Variants in SORCS2 observed in about 807,000 individuals in gnomAD.
The protein encoded by SORCS2 is VPS10 domain-containing receptor SorCS2.
SORCS2 carries 100 observed loss-of-function variants against 141.6 expected under a neutral mutation model. That is an observed-to-expected ratio of 0.71 (90% CI 0.60 to 0.83). The LOEUF is 0.83. Among genes scored for constraint, SORCS2 ranks in the 40% least tolerant of loss-of-function variants. The pLI, the probability that SORCS2 is intolerant of heterozygous loss-of-function variation, is 0.00. For missense variants in SORCS2, 1,646 were observed against 1,560.2 expected (o/e 1.05, Z -0.93); for synonymous variants, 789 against 676.9 (o/e 1.17, Z -2.57).
At chr4:7,332,406 G>A (rs6838006) in intron 1 of SORCS2, among the ~76,000 whole-genome samples, 1 of 151,998 alleles carries the variant, frequency 6.6e-6, no homozygotes, top group African/African-American at 2.4e-5. Context: ...ATAGGAATGT[G>A]GTGGCCCACA....
At chr4:7,222,665 G>T (rs1347275885) in intron 1 of SORCS2, among the ~76,000 whole-genome samples, 2 of 152,190 alleles carry the variant, frequency 1.3e-5, no homozygotes, top group Non-Finnish European at 2.9e-5. Flanking sequence ...GGGGCAGAGG[G>T]CTGGTGCAGG....
intron 9 of SORCS2, 74 bp from the exon 10 acceptor site, chr4:7,682,669 T>C (rs1723598524): frequency 6.9e-7 from 1 of 1,459,124 alleles, no homozygotes; most frequent in Non-Finnish European, 9.3e-7. Context: ...AGCAAGGGGC[T>C]GGAGCATGGT....
intron 1 of SORCS2, among the ~76,000 whole-genome samples, chr4:7,348,601 G>A (rs962853598): frequency 3.9e-5 from 6 of 152,194 alleles, no homozygotes; most frequent in South Asian, 4.1e-4. Context: ...GCCCAGGCTG[G>A]AGTGCAGTGG....
intron 2 of SORCS2, among the ~76,000 whole-genome samples, chr4:7,397,674 G>C (rs1327062121): frequency 6.6e-6 from 1 of 152,184 alleles, no homozygotes; most frequent in Non-Finnish European, 1.5e-5. Flanking sequence ...TTCGAGACGA[G>C]AGCAGAAAAG....
rs555696559 is a variant in SORCS2 at position 7,532,000 on chromosome 4, G to A, written c.648+371G>A. ...TCGGAAGGCAGTGCTGAGCAGGCCC[G>A]TTCTTCGGAAGTTAGTTGTTGATCC... On this transcript the variant is annotated intron_variant, in intron 3 of 26. Coordinates refer to ENST00000507866, the MANE Select transcript of SORCS2 (RefSeq NM_020777.3). Among the ~76,000 whole-genome samples, 21 of 152,346 alleles carry A rather than the reference G, an allele frequency of 1.4e-4. No homozygotes were observed. In the East Asian group the frequency reaches 2.3e-3, roughly 17 times the overall value.
chr4:7,686,705 A>C (rs963023984), intron 10 of SORCS2, among the ~76,000 whole-genome samples: 1 of 152,204 alleles, frequency 6.6e-6, no homozygotes, highest in Non-Finnish European at 1.5e-5. Context: ...CTGGTGCCCC[A>C]TGGGCAGGCA....
intron 2 of SORCS2, among the ~76,000 whole-genome samples, chr4:7,530,371 C>T (rs1711539519): frequency 6.6e-6 from 1 of 152,174 alleles, no homozygotes. Context: ...CCCAAGGCCC[C>T]CTTGCCCAAG....
chr4:7,406,175 A>G (rs1396722244), intron 2 of SORCS2, among the ~76,000 whole-genome samples: 1 of 147,462 alleles, frequency 6.8e-6, no homozygotes, highest in Non-Finnish European at 1.5e-5. Context: ...TTGGATCATT[A>G]TTCATATTGA....
At chr4:7,229,570 T>A (rs1409701201) in intron 1 of SORCS2, among the ~76,000 whole-genome samples, 2 of 152,302 alleles carry the variant, frequency 1.3e-5, no homozygotes, top group South Asian at 4.1e-4. Context: ...CTGGAATCCC[T>A]CCTGTCATGA....
intron 2 of SORCS2, among the ~76,000 whole-genome samples, chr4:7,513,786 G>C (rs1035577515): frequency 6.6e-5 from 10 of 152,198 alleles, no homozygotes; most frequent in Admixed American, 2.6e-4. Flanking sequence ...GCGCTTAAAG[G>C]CATCTTGTCA....
rs150025910 is a variant in SORCS2, at chr4:7,670,812, G to A, written c.1161+3599G>A. ...CAGCGTGCACAGAGCTTGAAGGAGC[G>A]GGAGGGTGCAGGGGTGCCATAAGGA... On this transcript the variant is annotated intron_variant, in intron 8 of 26. Transcript: ENST00000507866. Among the ~76,000 whole-genome samples the A allele has an allele frequency of 4.5e-4, 69 of 152,232 alleles. No homozygotes were observed. In the Middle Eastern group the frequency reaches 0.01, roughly 23 times the overall value.
At chr4:7,581,633 A>AT (rs1716152566) in intron 3 of SORCS2, among the ~76,000 whole-genome samples, 1 of 152,148 alleles carries the variant, frequency 6.6e-6, no homozygotes, top group African/African-American at 2.4e-5. Context: ...CCAGGACAGG[A>AT]GCCCTCACGC....
At chr4:7,421,261 C>T (rs910531483) in intron 2 of SORCS2, among the ~76,000 whole-genome samples, 15 of 152,310 alleles carry the variant, frequency 9.8e-5, no homozygotes, top group Admixed American at 9.8e-4. Context: ...CACGAGAGTC[C>T]CTGTTCCCAC....
intron 3 of SORCS2, among the ~76,000 whole-genome samples, chr4:7,573,053 C>T (rs540201089): frequency 1.3e-5 from 2 of 152,278 alleles, no homozygotes; most frequent in East Asian, 1.9e-4. Context: ...GGACAAGCTG[C>T]GTGTGTTGCT....
intron 1 of SORCS2, among the ~76,000 whole-genome samples, chr4:7,343,731 T>C (rs1342635640): frequency 6.6e-6 from 1 of 152,208 alleles, no homozygotes. Flanking sequence ...GGGCCGCCAC[T>C]AGCACCCACC....
chr4:7,345,821 A>C (rs1329338922), intron 1 of SORCS2, among the ~76,000 whole-genome samples: 5 of 152,126 alleles, frequency 3.3e-5, no homozygotes, highest in Admixed American at 6.5e-5. Flanking sequence ...TCCATGCTCC[A>C]GTTTCTGGAG....
chr4:7,630,287 AC>A (rs796584534), intron 3 of SORCS2, among the ~76,000 whole-genome samples: 37 of 152,148 alleles, frequency 2.4e-4, no homozygotes, highest in African/African-American at 6.7e-4. Flanking sequence ...CACCTGGGAG[AC>A]CCTAAAGGGC....
chr4:7,466,647 T>G (rs1449461817), intron 2 of SORCS2, among the ~76,000 whole-genome samples: 1 of 152,060 alleles, frequency 6.6e-6, no homozygotes, highest in African/African-American at 2.4e-5. Flanking sequence ...GCCCAGGCAG[T>G]AGCTGGTGAG....
intron 16 of SORCS2, 88 bp from the exon 17 acceptor site, chr4:7,715,095 C>G: frequency 6.4e-7 from 1 of 1,565,404 alleles, no homozygotes; most frequent in South Asian, 1.2e-5. Context: ...AGGTTCCCTT[C>G]TCAGCTCCCC....
Sources: allele counts gnomAD v4.1 joint callset (sites outside exome capture counted in the v4.1 genomes callset), GRCh38; gene constraint gnomAD v4.1.1; transcripts MANE v1.5; gene names NCBI Gene and HGNC (gene_info 2026-07-23, HGNC 2026-07-21).